AAK1: variants seen among roughly 807,000 people sequenced by gnomAD.
AAK1 encodes the protein AP2-associated protein kinase 1.
A neutral mutation model predicts 116.0 loss-of-function variants in AAK1; 37 were observed. The observed-to-expected ratio is 0.32, with a 90% CI of 0.25 to 0.42. The LOEUF (loss-of-function observed/expected upper bound fraction) is 0.42. Ranked by LOEUF, AAK1 falls within the 10% of genes least tolerant of loss-of-function variation. AAK1 has a pLI of 1.00. For missense variants in AAK1, 919 were observed against 1,170.6 expected, an observed-to-expected ratio of 0.79 and a Z score of 3.14; for synonymous variants, 458 against 439.9, an observed-to-expected ratio of 1.04 and a Z score of -0.51.
Position 69,470,873 on chromosome 2 carries a change from A to G in AAK1, c.*4996T>C. The stretch of plus-strand genomic sequence containing the variant: ...CAAAAAAGTGGGTTTTCAGCTCAGG[A>G]AAAGAGCAACTTATTTTAAGTTATT... On this transcript the variant is annotated 3_prime_UTR_variant, in exon 22 of 22. Transcript: ENST00000409085. The G allele has an allele frequency of 1.0e-6, 1 of 985,892 alleles. No homozygotes were observed. The highest frequency in any genetic ancestry group is 1.2e-6 in the Non-Finnish European group (1 of 829,940). The allele number at this position is 985,892 out of a possible 1,614,324, so 61.1% of individuals were successfully genotyped here.
At chr2:69,521,040 G>C (rs1347728037) in intron 10 of AAK1, 52 bp from the exon 11 acceptor site, 2 of 1,594,244 alleles carry the variant, frequency 1.3e-6, no homozygotes, top group African/African-American at 2.7e-5. Flanking sequence ...AAAATGGAAG[G>C]GAGTGGGCAG....
chr2:69,474,463 T>C lies in AAK1; in HGVS notation c.*1406A>G. ...TAGAGAGGGTGACCATGAGGCATGT[T>C]GTCATGTTAGTGCAGGGGCCTTTAT... is the stretch of plus-strand genomic sequence containing the variant. On this transcript the variant is annotated 3_prime_UTR_variant, in exon 22 of 22. Transcript: ENST00000409085. 5 of 985,664 alleles carry C rather than the reference T, an allele frequency of 5.1e-6. No individual in the cohort carries two copies. Among genetic ancestry groups the C allele is most frequent in the Non-Finnish European group, 6.0e-6 (5 of 829,916 alleles). The allele number at this position is 985,664 out of a possible 1,614,324, so 61.1% of individuals were successfully genotyped here.
chr2:69,525,998 T>C (rs1670007198), intron 9 of AAK1, among the ~76,000 whole-genome samples: 1 of 152,182 alleles, frequency 6.6e-6, no homozygotes, highest in Non-Finnish European at 1.5e-5. Context: ...GCTTCCTTCA[T>C]GTTTCCAGGT....
intron 7 of AAK1, 39 bp from the exon 8 acceptor site, chr2:69,530,179 T>C (rs1670194601): frequency 6.3e-7 from 1 of 1,582,106 alleles, no homozygotes. Flanking sequence ...TAGTGGCTTA[T>C]TTATCATGAC....
chr2:69,590,254 G>A (rs373336683), intron 2 of AAK1, among the ~76,000 whole-genome samples: 14 of 152,284 alleles, frequency 9.2e-5, no homozygotes, highest in African/African-American at 2.6e-4. Context: ...AAAAGAGGCC[G>A]ACTGGAACCT....
chr2:69,592,360 G>A (rs76017133), intron 2 of AAK1, among the ~76,000 whole-genome samples: 2,954 of 152,228 alleles, frequency 0.019, 81 homozygotes, highest in African/African-American at 0.065. Flanking sequence ...GGGAGACAAG[G>A]GGTGCTGCTG....
chr2:69,470,349 G>A lies in AAK1; in HGVS notation c.*5520C>T. ...GCAGCAATTGAAACGTAAAATTTTA[G>A]AACCAAACTGGGGAAATCAAGAGAC... On this transcript the variant is annotated 3_prime_UTR_variant, in exon 22 of 22. Transcript: ENST00000409085. 6 of 985,400 alleles carry A rather than the reference G, an allele frequency of 6.1e-6. No individual in the cohort carries two copies. Among genetic ancestry groups the A allele is most frequent in the Non-Finnish European group, 7.2e-6 (6 of 829,922 alleles). 61.0% of individuals were successfully genotyped at this position (985,400 alleles called of 1,614,324 possible). A position where few individuals can be genotyped will look rare whatever the true frequency, so the allele number is the denominator to read the frequency against.
chr2:69,621,026 G>T (rs917694015), intron 2 of AAK1, among the ~76,000 whole-genome samples: 3 of 152,152 alleles, frequency 2.0e-5, no homozygotes, highest in Admixed American at 2.0e-4. Flanking sequence ...CGTCCACCAG[G>T]GTGTAAAGAA....
chr2:69,564,792 T>G (rs753802517), intron 2 of AAK1, among the ~76,000 whole-genome samples: 1 of 152,138 alleles, frequency 6.6e-6, no homozygotes, highest in African/African-American at 2.4e-5. Context: ...AACCAGCCCC[T>G]AGGTCATAGT....
At chr2:69,489,573 C>G (rs17036659) in intron 17 of AAK1, among the ~76,000 whole-genome samples, 8,523 of 152,036 alleles carry the variant, frequency 0.056, 676 homozygotes, top group African/African-American at 0.18. Flanking sequence ...CGGCAGGACT[C>G]ACAGACATGG....
intron 13 of AAK1, among the ~76,000 whole-genome samples, chr2:69,512,585 T>G (rs1676432382): frequency 6.8e-6 from 1 of 146,378 alleles, no homozygotes; most frequent in Non-Finnish European, 1.5e-5. Context: ...CAGGGTACGC[T>G]TTACCTTCAT....
intron 20 of AAK1, among the ~76,000 whole-genome samples, chr2:69,477,676 C>T (rs1674906343): frequency 6.6e-6 from 1 of 152,216 alleles, no homozygotes; most frequent in Non-Finnish European, 1.5e-5. Flanking sequence ...TTCTACATTG[C>T]TGCTGACATA....
chr2:69,629,843 A>T (rs1008506553), intron 2 of AAK1, among the ~76,000 whole-genome samples: 27 of 152,246 alleles, frequency 1.8e-4, no homozygotes, highest in African/African-American at 6.5e-4. Context: ...ATACAAACAA[A>T]ATAAACAGTA....
chr2:69,609,609 A>G (rs1400536519), intron 2 of AAK1, among the ~76,000 whole-genome samples: 1 of 152,188 alleles, frequency 6.6e-6, no homozygotes, highest in Non-Finnish European at 1.5e-5. Context: ...GGTTGCAGTG[A>G]GCCGAGATTG....
At chr2:69,546,504 G>T (rs1413988826) in intron 3 of AAK1, among the ~76,000 whole-genome samples, 7 of 152,080 alleles carry the variant, frequency 4.6e-5, no homozygotes, top group Non-Finnish European at 1.0e-4. Flanking sequence ...CCAAAATAAG[G>T]ATCATATCCT....
At position 69,464,664 on chromosome 2, in the gene AAK1, A is replaced by C. The variant is rs1018708497; in HGVS notation, c.*11205T>G. 1 of 152,118 alleles carries C rather than the reference A, an allele frequency of 6.6e-6. No homozygotes were observed. Among genetic ancestry groups the C allele is most frequent in the Non-Finnish European group, 1.5e-5 (1 of 68,054 alleles). The allele number at this position is 152,118 out of a possible 1,614,324, so 9.4% of individuals were successfully genotyped here. ...TGCACACACACGTATACATGCACACACAAACCTGTACACTCACACTAATTT... is the reference window on the plus strand; with the variant it reads ...TGCACACACACGTATACATGCACACCCAAACCTGTACACTCACACTAATTT... On this transcript the variant is annotated 3_prime_UTR_variant, in exon 22 of 22. Coordinates refer to ENST00000409085, the MANE Select transcript of AAK1 (RefSeq NM_014911.5).
Position 69,466,657 on chromosome 2 carries a change from T to A in AAK1, c.*9212A>T. 9.3e-7 allele frequency: 1 copy of A among 1,080,002 alleles called. No individual in the cohort carries two copies. The highest frequency in any genetic ancestry group is 1.1e-6 in the Non-Finnish European group (1 of 884,496). The allele number at this position is 1,080,002 out of a possible 1,614,324, so 66.9% of individuals were successfully genotyped here. A position where few individuals can be genotyped will look rare whatever the true frequency, so the allele number is the denominator to read the frequency against. On this transcript the variant is annotated 3_prime_UTR_variant, in exon 22 of 22. Coordinates refer to ENST00000409085, the MANE Select transcript of AAK1 (RefSeq NM_014911.5). Reference sequence around the variant, plus strand: ...AAACATTGTGGGACCAAATAATAGATGTTGAAAATGCAACAGGAAAAACAT... The same window carrying A: ...AAACATTGTGGGACCAAATAATAGAAGTTGAAAATGCAACAGGAAAAACAT...
At chr2:69,509,695 A>G (rs1676318934) in intron 13 of AAK1, among the ~76,000 whole-genome samples, 2 of 152,198 alleles carry the variant, frequency 1.3e-5, no homozygotes, top group African/African-American at 4.8e-5. Flanking sequence ...ATAAATTTCA[A>G]TCTTTATCAG....
At chr2:69,559,647 C>T (rs942739333) in intron 2 of AAK1, among the ~76,000 whole-genome samples, 3 of 152,222 alleles carry the variant, frequency 2.0e-5, no homozygotes, top group African/African-American at 7.2e-5. Context: ...TTGCTTTATG[C>T]ATAGACAAAC....
Sources: gnomAD v4.1 joint callset for allele counts (sites outside exome capture counted in the v4.1 genomes callset) on GRCh38, gnomAD v4.1.1 for gene constraint, MANE v1.5 for transcripts, NCBI Gene and HGNC (gene_info 2026-07-23, HGNC 2026-07-21) for gene names.